WWC1: variants seen among roughly 807,000 people sequenced by gnomAD.
The protein encoded by WWC1 is protein KIBRA.
WWC1 carries 55 observed loss-of-function variants against 138.4 expected under a neutral mutation model. The ratio of observed to expected loss-of-function variants is 0.40; its 90% CI spans 0.32 to 0.50. The LOEUF (loss-of-function observed/expected upper bound fraction) is 0.50, where lower values mean the gene tolerates loss of function less well. WWC1 is among the 20% of genes least tolerant of loss of function. The pLI, the probability that WWC1 is intolerant of heterozygous loss-of-function variation, is 0.72. For missense variants in WWC1, 1,226 were observed against 1,420.4 expected, an observed-to-expected ratio of 0.86 and a Z score of 2.20; for synonymous variants, 524 against 564.9, an observed-to-expected ratio of 0.93 and a Z score of 1.03.
At chr5:168,456,017 C>A (rs572307849) in intron 19 of WWC1, among the ~76,000 whole-genome samples, 2 of 152,132 alleles carry the variant, frequency 1.3e-5, no homozygotes, top group Non-Finnish European at 2.9e-5. Flanking sequence ...TTTAAAAAGG[C>A]GGCCAGATGC....
intron 8 of WWC1, among the ~76,000 whole-genome samples, chr5:168,411,108 T>C (rs2152841265): frequency 6.6e-6 from 1 of 152,194 alleles, no homozygotes; most frequent in South Asian, 2.1e-4. Flanking sequence ...TTGTATTTTT[T>C]AGTAGAGACG....
chr5:168,446,447 C>T lies in WWC1; in HGVS notation c.2525+1862C>T, dbSNP rs370680414. Among the ~76,000 whole-genome samples the T allele has an allele frequency of 2.1e-4, 32 of 152,124 alleles. 1 individual carries two copies. The highest frequency in any genetic ancestry group is 1.9e-3 in the East Asian group (10 of 5,170). On this transcript the variant is annotated intron_variant, in intron 17 of 22. Transcript: ENST00000265293. ...ACACTTTAAGAAACAATGACATAGA[C>T]GAGGGTTTGAAACTTGGATTTTTCA...
chr5:168,433,749 G>C (rs925393755), intron 15 of WWC1, among the ~76,000 whole-genome samples: 58 of 152,124 alleles, frequency 3.8e-4, no homozygotes, highest in African/African-American at 1.4e-3. Context: ...TGTTGGCCAG[G>C]CTGATCTTGA....
In WWC1 at chr5:168,295,465, C is replaced by A. The variant is rs1308313034; in HGVS notation, c.119+3194C>A. On this transcript the variant is annotated intron_variant, in intron 1 of 22. Coordinates refer to ENST00000265293, the MANE Select transcript of WWC1 (RefSeq NM_015238.3). ...ATTAATGCTGTGAGACAAAAAATTG[C>A]ACTAAAAATTTCTACTCCGTGTGTG... is the stretch of plus-strand genomic sequence containing the variant. 2.1e-5 allele frequency among the ~76,000 whole-genome samples: 3 copies of A among 144,236 alleles called. No homozygotes were observed. The East Asian group carries it at 5.9e-4, about 28-fold the overall frequency. The allele number at this position is 144,236 out of a possible 152,430, so 94.6% of individuals were successfully genotyped here. A position where few individuals can be genotyped will look rare whatever the true frequency, so the allele number is the denominator to read the frequency against.
intron 20 of WWC1, among the ~76,000 whole-genome samples, chr5:168,463,495 C>T (rs528970794): frequency 1.3e-5 from 2 of 152,236 alleles, no homozygotes; most frequent in East Asian, 3.9e-4. Context: ...AAGCCCAGGC[C>T]ATCTTTTAGG....
chr5:168,462,698 G>A (rs1742546089), intron 20 of WWC1, among the ~76,000 whole-genome samples: 1 of 152,162 alleles, frequency 6.6e-6, no homozygotes, highest in South Asian at 2.1e-4. Flanking sequence ...AGGGAGCCCC[G>A]ATGGTGGGTC....
In WWC1 at chr5:168,428,737, C is replaced by T; in HGVS notation, c.1950C>T (p.Asp650=). ...GTGCTTCAGAAGCTGCTGCATTTGA[C>T]AGTGACGAATCGGAAGCAGTGGGTG... ...RLGASEAAAF[D]SDESEAVGAT... Residue 650 remains aspartate (D), a synonymous_variant, in exon 13 of 23, where the codon GAC becomes GAT. Coordinates refer to ENST00000265293, the MANE Select transcript of WWC1 (RefSeq NM_015238.3). 2 of 1,613,970 alleles carry T rather than the reference C, an allele frequency of 1.2e-6. No homozygotes were observed. The highest frequency in any genetic ancestry group is 1.7e-6 in the Non-Finnish European group (2 of 1,179,932).
chr5:168,303,550 A>C (rs1355000927), intron 1 of WWC1, among the ~76,000 whole-genome samples: 1 of 152,148 alleles, frequency 6.6e-6, no homozygotes, highest in Non-Finnish European at 1.5e-5. Context: ...TCAAGGCTGC[A>C]GTGAGCCATG....
At chr5:168,314,785 G>A (rs1253730287) in intron 1 of WWC1, among the ~76,000 whole-genome samples, 1 of 152,174 alleles carries the variant, frequency 6.6e-6, no homozygotes, top group East Asian at 1.9e-4. Context: ...ACGGGCTGCA[G>A]AGAGAGTCTG....
Position 168,426,935 on chromosome 5 carries a change from C to A in WWC1, c.1811-1098C>A, listed in dbSNP as rs77754060. Among the ~76,000 whole-genome samples, 1,390 of 152,308 alleles carry A rather than the reference C, an allele frequency of 9.1e-3. 23 individuals carry two copies. Among genetic ancestry groups the A allele is most frequent in the African/African-American group, 0.032 (1,315 of 41,568 alleles). On this transcript the variant is annotated intron_variant, in intron 11 of 22. Coordinates refer to ENST00000265293, the MANE Select transcript of WWC1 (RefSeq NM_015238.3). ...GAACATGGCAATGGGCCTGGCACAT[C>A]GTGAGTGATCATTACTTGGGCAAGG...
chr5:168,450,920 G>A (rs572472434), intron 17 of WWC1, among the ~76,000 whole-genome samples: 2 of 151,976 alleles, frequency 1.3e-5, no homozygotes, highest in African/African-American at 2.4e-5. Flanking sequence ...AGAGAAAATC[G>A]TGCAGTCCAC....
intron 6 of WWC1, among the ~76,000 whole-genome samples, chr5:168,406,898 C>T (rs939434660): frequency 2.0e-5 from 3 of 152,078 alleles, no homozygotes; most frequent in African/African-American, 7.2e-5. Flanking sequence ...GCCGAGATAG[C>T]ACCACTGCAG....
At chr5:168,465,993 T>C (rs10038391) in intron 21 of WWC1, among the ~76,000 whole-genome samples, 2,823 of 152,118 alleles carry the variant, frequency 0.019, 89 homozygotes, top group African/African-American at 0.064. Flanking sequence ...AGAGGGACCA[T>C]CTAGGTTAGG....
At chr5:168,296,510 A>G (rs1769550500) in intron 1 of WWC1, among the ~76,000 whole-genome samples, 1 of 152,154 alleles carries the variant, frequency 6.6e-6, no homozygotes, top group South Asian at 2.1e-4. Context: ...TTTTGCACAT[A>G]ATTTCAGGGA....
At chr5:168,304,165 T>C (rs536919392) in intron 1 of WWC1, among the ~76,000 whole-genome samples, 1 of 152,296 alleles carries the variant, frequency 6.6e-6, no homozygotes, top group African/African-American at 2.4e-5. Context: ...ACAGTCCCCA[T>C]AATATATTTG....
Position 168,356,741 on chromosome 5 carries a change from CAG to C in WWC1, c.120-14680_120-14679del, listed in dbSNP as rs1412914852. Among the ~76,000 whole-genome samples, 9 of 152,302 alleles carry C rather than the reference CAG, an allele frequency of 5.9e-5. No homozygotes were observed. The South Asian group carries it at 1.2e-3, about 21-fold the overall frequency. On this transcript the variant is annotated intron_variant, in intron 1 of 22. Coordinates refer to ENST00000265293, the MANE Select transcript of WWC1 (RefSeq NM_015238.3). Reference sequence around the variant, plus strand: ...ATTAAAATGAAACAGGAGTAGGAGACAGAGGCCTTGTTTGCTACCCAGTGGGT... The same window carrying C: ...ATTAAAATGAAACAGGAGTAGGAGACAGGCCTTGTTTGCTACCCAGTGGGT...
intron 1 of WWC1, among the ~76,000 whole-genome samples, chr5:168,357,372 A>C (rs990719904): frequency 3.3e-5 from 5 of 150,140 alleles, no homozygotes; most frequent in African/African-American, 1.2e-4. Context: ...TCTCCCCAGC[A>C]CTGGAGCTCA....
intron 1 of WWC1, among the ~76,000 whole-genome samples, chr5:168,300,911 C>T (rs931708354): frequency 1.2e-4 from 19 of 152,336 alleles, no homozygotes; most frequent in Non-Finnish European, 1.3e-4. Context: ...CTGGGACAGC[C>T]TTCCAGTCCT....
At chr5:168,380,718 A>G (rs562233565) in intron 2 of WWC1, among the ~76,000 whole-genome samples, 1 of 152,312 alleles carries the variant, frequency 6.6e-6, no homozygotes, top group Non-Finnish European at 1.5e-5. Flanking sequence ...ACGAAGACTT[A>G]GAGTATTCAT....
Sources: allele counts gnomAD v4.1 joint callset (sites outside exome capture counted in the v4.1 genomes callset), GRCh38; gene constraint gnomAD v4.1.1; transcripts MANE v1.5; gene names NCBI Gene and HGNC (gene_info 2026-07-23, HGNC 2026-07-21).